The following ATP5MJ variants were observed in gnomAD, a reference collection of about 807,000 sequenced individuals.
ATP5MJ encodes ATP synthase membrane subunit j.
In ATP5MJ, 4 loss-of-function variants were observed where a neutral mutation model predicts 8.3. The observed-to-expected ratio is 0.48, with a 90% CI of 0.24 to 1.11. The LOEUF (loss-of-function observed/expected upper bound fraction) is 1.11, where lower values mean the gene tolerates loss of function less well. ATP5MJ is among the 50% of genes least tolerant of loss of function. The pLI, the probability that ATP5MJ is intolerant of heterozygous loss-of-function variation, is 0.18. For synonymous variants in ATP5MJ, 23 were observed against 21.3 expected (o/e 1.08, Z -0.23); for missense variants, 66 against 71.8 (o/e 0.92, Z 0.29).
intron 1 of ATP5MJ, among the ~76,000 whole-genome samples, chr14:103,917,500 G>A (rs2087634799): frequency 6.7e-6 from 1 of 148,876 alleles, no homozygotes; most frequent in Non-Finnish European, 1.5e-5. Flanking sequence ...TTCCCGTTTT[G>A]ACAATATGAA....
intron 1 of ATP5MJ, among the ~76,000 whole-genome samples, chr14:103,917,231 T>C (rs1455678209): frequency 3.9e-5 from 6 of 152,214 alleles, no homozygotes; most frequent in Non-Finnish European, 5.9e-5. Flanking sequence ...TTTTCTCATC[T>C]GTAAAACAGG....
intron 1 of ATP5MJ, among the ~76,000 whole-genome samples, chr14:103,915,799 CT>C (rs1467467176): frequency 6.6e-6 from 1 of 152,000 alleles, no homozygotes; most frequent in Non-Finnish European, 1.5e-5. Context: ...GGGACTCATG[CT>C]TTCCACAGCT....
chr14:103,914,069 AT>A, intron 2 of ATP5MJ, 85 bp from the exon 3 acceptor site: 6 of 1,279,532 alleles, frequency 4.7e-6, no homozygotes, highest in Non-Finnish European at 4.4e-6. Flanking sequence ...AGCTGAAGGC[AT>A]TGTAGCTTAG....
intron 1 of ATP5MJ, 67 bp from the exon 2 acceptor site, chr14:103,915,256 T>G: frequency 1.3e-6 from 2 of 1,567,962 alleles, no homozygotes; most frequent in Admixed American, 3.5e-5. Context: ...GTAAAAGATT[T>G]TAATTTGTTA....
intron 3 of ATP5MJ, chr14:103,913,521 G>T (rs2087597523): frequency 4.6e-6 from 1 of 215,438 alleles, no homozygotes; most frequent in Non-Finnish European, 9.0e-6. Flanking sequence ...TGAGGCAGGA[G>T]AACGGCATGA....
chr14:103,914,869 A>AAAAAAAATAAAAG, intron 2 of ATP5MJ, 197 bp downstream of exon 2: 1 of 538,226 alleles, frequency 1.9e-6, no homozygotes, highest in Non-Finnish European at 3.0e-6. Flanking sequence ...AAAAGAAAAG[A>AAAAAAAATAAAAG]AAAAAAAAAT....
intron 1 of ATP5MJ, among the ~76,000 whole-genome samples, chr14:103,917,411 G>C (rs1363276412): frequency 6.6e-6 from 1 of 152,082 alleles, no homozygotes; most frequent in Non-Finnish European, 1.5e-5. Context: ...TTGGAGGCTA[G>C]CATAGAATTT....
rs773182541 is a variant in ATP5MJ, at chr14:103,912,621, A to C, written c.*45T>G. The C allele has an allele frequency of 1.2e-6, 2 of 1,602,288 alleles. No individual in the cohort carries two copies. Among genetic ancestry groups the C allele is most frequent in the Non-Finnish European group, 1.7e-6 (2 of 1,170,064 alleles). The stretch of plus-strand genomic sequence containing the variant: ...TCTAACACGGCTTGCTGAAATTTAC[A>C]GGCAGACTGACGTTTTCTTTCACAT... On this transcript the variant is annotated 3_prime_UTR_variant, in exon 4 of 4. Transcript: ENST00000286953.
chr14:103,915,442 G>A (rs1026394329), intron 1 of ATP5MJ, among the ~76,000 whole-genome samples: 31 of 152,002 alleles, frequency 2.0e-4, no homozygotes, highest in African/African-American at 6.8e-4. Flanking sequence ...TGACTCCCAG[G>A]TTCAAGTGAT....
intron 1 of ATP5MJ, chr14:103,921,036 A>T: frequency 6.4e-7 from 1 of 1,551,612 alleles, no homozygotes; most frequent in Non-Finnish European, 8.7e-7. Context: ...GCCTCACCCA[A>T]GTTGTCATGT....
chr14:103,914,837 C>CAAAAAGGAAAAAAAAAAAAAAAA (rs370479683), intron 2 of ATP5MJ: 30 of 191,084 alleles, frequency 1.6e-4, no homozygotes, highest in African/African-American at 1.5e-3. Context: ...AGACTGTCTC[C>CAAAAAGGAAAAAAAAAAAAAAAA]AAAAAAAAAA....
rs1212402822 is a variant in ATP5MJ at position 103,918,915 on chromosome 14, G to A, written c.-1+2555C>T. Among the ~76,000 whole-genome samples, 9 of 151,944 alleles carry A rather than the reference G, an allele frequency of 5.9e-5. No individual in the cohort carries two copies. The East Asian group carries it at 1.6e-3, about 27-fold the overall frequency. ...CGGGCGCCTGTAGTCCCAGCTACTC[G>A]GAAGGCCGAGGCAGGAGAATGGCGT... is the stretch of plus-strand genomic sequence containing the variant. On this transcript the variant is annotated intron_variant, in intron 1 of 3. Coordinates refer to ENST00000286953, the MANE Select transcript of ATP5MJ (RefSeq NM_004894.3).
chr14:103,921,109 T>C, intron 1 of ATP5MJ: 1 of 1,368,092 alleles, frequency 7.3e-7, no homozygotes, highest in Admixed American at 2.0e-5. Flanking sequence ...GAGAAGGGAC[T>C]GGATGTGGAG....
chr14:103,914,940 G>A (rs2087613322), intron 2 of ATP5MJ, 126 bp downstream of exon 2: 2 of 1,217,156 alleles, frequency 1.6e-6, no homozygotes, highest in Non-Finnish European at 2.3e-6. Flanking sequence ...TTTTACGAAG[G>A]ACTGTAGGTA....
intron 2 of ATP5MJ, 172 bp from the exon 3 acceptor site, chr14:103,914,156 T>C (rs2087604167): frequency 1.6e-6 from 1 of 637,088 alleles, no homozygotes; most frequent in African/African-American, 1.8e-5. Flanking sequence ...AGATGTTCTA[T>C]GAACAGCTAA....
intron 3 of ATP5MJ, chr14:103,912,927 G>A: frequency 3.8e-6 from 2 of 525,418 alleles, no homozygotes; most frequent in African/African-American, 1.9e-5. Flanking sequence ...AGAGAGGCAG[G>A]GAAACACCTC....
In ATP5MJ at chr14:103,912,576, G is replaced by T; in HGVS notation, c.*90C>A. On this transcript the variant is annotated 3_prime_UTR_variant, in exon 4 of 4. Coordinates refer to ENST00000286953, the MANE Select transcript of ATP5MJ (RefSeq NM_004894.3). ...TAAACGGTACTTATACAAGTGTACA[G>T]TGACGTTCCACGCTCCCCATCTAAC... The T allele has an allele frequency of 7.6e-7, 1 of 1,318,164 alleles. No individual in the cohort carries two copies. The allele number at this position is 1,318,164 out of a possible 1,614,324, so 81.7% of individuals were successfully genotyped here. A position where few individuals can be genotyped will look rare whatever the true frequency, so the allele number is the denominator to read the frequency against.
chr14:103,913,317 CTCAA>C (rs2087595497), intron 3 of ATP5MJ: 1 of 149,616 alleles, frequency 6.7e-6, no homozygotes, highest in Admixed American at 6.7e-5. Flanking sequence ...GAGACTCTGT[CTCAA>C]AAAAAAAAAA....
At position 103,912,953 on chromosome 14, in the gene ATP5MJ, T is replaced by A. The variant is rs2087592362; in HGVS notation, c.149-259A>T. The A allele has an allele frequency of 1.4e-5, 7 of 502,072 alleles. No individual in the cohort carries two copies. The East Asian group carries it at 1.9e-4, about 14-fold the overall frequency. 31.1% of individuals were successfully genotyped at this position (502,072 alleles called of 1,614,324 possible). ...GAAACACCTCCTCCTCAAACTCATGTAGCCAGTCCTGGGTTTGTGTAACAT... is the reference window on the plus strand; with the variant it reads ...GAAACACCTCCTCCTCAAACTCATGAAGCCAGTCCTGGGTTTGTGTAACAT... On this transcript the variant is annotated intron_variant, in intron 3 of 3. Coordinates refer to ENST00000286953, the MANE Select transcript of ATP5MJ (RefSeq NM_004894.3).
Sources: allele counts gnomAD v4.1 joint callset (sites outside exome capture counted in the v4.1 genomes callset), GRCh38; gene constraint gnomAD v4.1.1; transcripts MANE v1.5; gene names NCBI Gene and HGNC (gene_info 2026-07-23, HGNC 2026-07-21).